LYSMD2: variants seen among roughly 807,000 people sequenced by gnomAD.
LYSMD2 encodes the protein lysM and putative peptidoglycan-binding domain-containing protein 2.
Under a neutral mutation model 17.7 loss-of-function variants are expected in LYSMD2, and 6 were observed. The ratio of observed to expected loss-of-function variants is 0.34; its 90% confidence interval spans 0.19 to 0.67. The LOEUF (loss-of-function observed/expected upper bound fraction) is 0.67, where lower values mean the gene tolerates loss of function less well. LYSMD2 is among the 30% of genes least tolerant of loss of function. LYSMD2 has a pLI of 0.69. For missense variants in LYSMD2, 237 were observed against 286.7 expected (o/e 0.83, Z 1.25); for synonymous variants, 102 against 129.8 (o/e 0.79, Z 1.45).
At chr15:51,748,768 G>C (rs1039308039) in intron 1 of LYSMD2, among the ~76,000 whole-genome samples, 1 of 152,124 alleles carries the variant, frequency 6.6e-6, no homozygotes, top group Non-Finnish European at 1.5e-5. Flanking sequence ...GTCTATGATA[G>C]ATTTGAGAGT....
chr15:51,744,462 T>C (rs945913600), intron 1 of LYSMD2, among the ~76,000 whole-genome samples: 3 of 152,156 alleles, frequency 2.0e-5, no homozygotes, highest in Non-Finnish European at 4.4e-5. Context: ...TTTTTTTGAA[T>C]GTTGAACCAG....
At chr15:51,748,010 C>T (rs759258681) in intron 1 of LYSMD2, among the ~76,000 whole-genome samples, 7 of 152,038 alleles carry the variant, frequency 4.6e-5, no homozygotes, top group East Asian at 3.9e-4. Flanking sequence ...CGGTGGCTCA[C>T]GCCTGTGATC....
chr15:51,743,534 T>C (rs961816388), intron 1 of LYSMD2, among the ~76,000 whole-genome samples: 6 of 152,266 alleles, frequency 3.9e-5, no homozygotes, highest in Admixed American at 2.6e-4. Context: ...ACTGTAGCTT[T>C]ATAGTAAGTC....
upstream of LYSMD2, among the ~76,000 whole-genome samples, chr15:51,741,643 C>T (rs977526689): frequency 3.9e-5 from 6 of 152,082 alleles, no homozygotes; most frequent in African/African-American, 1.4e-4. Flanking sequence ...ATTCACAGCC[C>T]GGGTGGTGGT....
intron 1 of LYSMD2, among the ~76,000 whole-genome samples, chr15:51,731,731 C>T (rs563900448): frequency 6.6e-6 from 1 of 152,216 alleles, no homozygotes; most frequent in South Asian, 2.1e-4. Flanking sequence ...TTCTATATGG[C>T]TCTCTGGAGG....
chr15:51,733,375 T>C (rs1056323944), intron 1 of LYSMD2, among the ~76,000 whole-genome samples: 1 of 151,746 alleles, frequency 6.6e-6, no homozygotes, highest in Non-Finnish European at 1.5e-5. Context: ...ATAAGCTCTA[T>C]GAGGACATGG....
intron 1 of LYSMD2, among the ~76,000 whole-genome samples, chr15:51,746,999 GTGAAACCCT>G (rs1567231443): frequency 7.1e-6 from 1 of 141,410 alleles, no homozygotes; most frequent in African/African-American, 2.6e-5. Flanking sequence ...AGCCAACATG[GTGAAACCCT>G]GTCTCTACTA....
intron 1 of LYSMD2, among the ~76,000 whole-genome samples, chr15:51,735,556 C>T (rs2055603504): frequency 6.6e-6 from 1 of 152,150 alleles, no homozygotes; most frequent in South Asian, 2.1e-4. Flanking sequence ...GTGTCACTAT[C>T]AATTATAGTT....
intron 1 of LYSMD2, among the ~76,000 whole-genome samples, chr15:51,730,100 C>T (rs1193907444): frequency 1.3e-5 from 2 of 152,120 alleles, no homozygotes; most frequent in Non-Finnish European, 2.9e-5. Flanking sequence ...TGTCTGGTCA[C>T]TAAGAAACAG....
At chr15:51,728,100 A>G (rs1204564696) in intron 1 of LYSMD2, among the ~76,000 whole-genome samples, 1 of 152,194 alleles carries the variant, frequency 6.6e-6, no homozygotes, top group Non-Finnish European at 1.5e-5. Flanking sequence ...CTTCCTCTCC[A>G]TATATCATAA....
chr15:51,724,298 C>G (rs982787727), intron 2 of LYSMD2, among the ~76,000 whole-genome samples: 1 of 151,826 alleles, frequency 6.6e-6, no homozygotes, highest in Non-Finnish European at 1.5e-5. Flanking sequence ...TAGGAAACAC[C>G]CAGTAACAAA....
intron 1 of LYSMD2, among the ~76,000 whole-genome samples, chr15:51,735,458 C>T (rs147632865): frequency 4.6e-5 from 7 of 152,278 alleles, no homozygotes; most frequent in Non-Finnish European, 8.8e-5. Flanking sequence ...AAATATTCTA[C>T]ACTGCACAGG....
At chr15:51,727,205 C>T (rs538384363) in intron 1 of LYSMD2, among the ~76,000 whole-genome samples, 1 of 152,322 alleles carries the variant, frequency 6.6e-6, no homozygotes, top group Non-Finnish European at 1.5e-5. Context: ...TCCATTCCTC[C>T]ACTCTTCTTG....
At chr15:51,740,831 A>C (rs2055639237), upstream of LYSMD2, among the ~76,000 whole-genome samples, 1 of 152,118 alleles carries the variant, frequency 6.6e-6, no homozygotes. Flanking sequence ...TAAAAAATAA[A>C]AGAAAGAAAG....
At chr15:51,750,116 C>G (rs1309609543) in intron 1 of LYSMD2, among the ~76,000 whole-genome samples, 5 of 152,264 alleles carry the variant, frequency 3.3e-5, no homozygotes, top group African/African-American at 1.2e-4. Flanking sequence ...GCTGGGGGTG[C>G]CCACAGTGGA....
upstream of LYSMD2, among the ~76,000 whole-genome samples, chr15:51,739,956 C>CTTTGTTTG (rs546254629): frequency 4.0e-4 from 61 of 151,666 alleles, no homozygotes; most frequent in African/African-American, 1.4e-3. Flanking sequence ...TTGGGGTTTT[C>CTTTGTTTG]TTTGTTTGTT....
chr15:51,749,722 C>T (rs1473729484), intron 1 of LYSMD2, among the ~76,000 whole-genome samples: 1 of 152,192 alleles, frequency 6.6e-6, no homozygotes, highest in Non-Finnish European at 1.5e-5. Flanking sequence ...CCGTAAGCAG[C>T]CCTGTTCTTA....
intron 1 of LYSMD2, among the ~76,000 whole-genome samples, chr15:51,744,664 T>G (rs1194693337): frequency 6.6e-6 from 1 of 152,178 alleles, no homozygotes; most frequent in African/African-American, 2.4e-5. Context: ...CATTATAGAA[T>G]TAGTTAAGAA....
At chr15:51,726,364 T>G (rs1366837158) in intron 1 of LYSMD2, among the ~76,000 whole-genome samples, 1 of 152,234 alleles carries the variant, frequency 6.6e-6, no homozygotes, top group Non-Finnish European at 1.5e-5. Context: ...CTATTTCGCC[T>G]TTAGGACCCC....
Sources: gnomAD v4.1 joint callset for allele counts (sites outside exome capture counted in the v4.1 genomes callset) on GRCh38, gnomAD v4.1.1 for gene constraint, MANE v1.5 for transcripts, NCBI Gene and HGNC (gene_info 2026-07-23, HGNC 2026-07-21) for gene names.